Variants in SLC5A8 observed in about 807,000 individuals in gnomAD.
The protein encoded by SLC5A8 is solute carrier family 5 member 8, also known as sodium-coupled monocarboxylate transporter 1.
In SLC5A8, 55 loss-of-function variants were observed where a neutral mutation model predicts 71.9. The ratio of observed to expected loss-of-function variants is 0.77; its 90% CI spans 0.62 to 0.96. The LOEUF (loss-of-function observed/expected upper bound fraction) is 0.96, where lower values mean the gene tolerates loss of function less well. Ranked by LOEUF, SLC5A8 falls within the 40% of genes least tolerant of loss-of-function variation. The probability of loss-of-function intolerance (pLI) is 0.00; values close to 1 mark genes in which losing one functional copy is unlikely to be tolerated. For synonymous variants in SLC5A8, 307 were observed against 276.1 expected (o/e 1.11, Z -1.11); for missense variants, 701 against 745.3 (o/e 0.94, Z 0.69).
intron 12 of SLC5A8, among the ~76,000 whole-genome samples, chr12:101,163,014 T>G (rs185784323): frequency 2.0e-4 from 31 of 152,234 alleles, no homozygotes; most frequent in Non-Finnish European, 4.4e-5. Flanking sequence ...AGAGAAAACC[T>G]TTGGGAATAA....
chr12:101,183,474 G>C (rs757928376), intron 8 of SLC5A8, among the ~76,000 whole-genome samples: 1 of 152,124 alleles, frequency 6.6e-6, no homozygotes, highest in Admixed American at 6.5e-5. Flanking sequence ...GCTTCCACTT[G>C]CTGTTAATCC....
chr12:101,165,584 T>A (rs1421446109), intron 12 of SLC5A8, among the ~76,000 whole-genome samples: 2 of 152,170 alleles, frequency 1.3e-5, no homozygotes, highest in Admixed American at 1.3e-4. Context: ...CATACACAGC[T>A]TACCTGCCTG....
chr12:101,197,867 A>G (rs1410689426), intron 3 of SLC5A8, among the ~76,000 whole-genome samples: 3 of 152,212 alleles, frequency 2.0e-5, no homozygotes, highest in Admixed American at 6.5e-5. Context: ...CATTACATCC[A>G]AAAAGCACAC....
At chr12:101,158,448 C>G in intron 13 of SLC5A8, 120 bp from the exon 14 acceptor site, 1 of 653,316 alleles carries the variant, frequency 1.5e-6, no homozygotes, top group Non-Finnish European at 2.6e-6. Flanking sequence ...TCAAAAAACA[C>G]AAAGAGAAAG....
At chr12:101,190,093 T>C (rs1868831413) in intron 6 of SLC5A8, among the ~76,000 whole-genome samples, 1 of 152,220 alleles carries the variant, frequency 6.6e-6, no homozygotes, top group South Asian at 2.1e-4. Context: ...TATTGCTATA[T>C]CATTTCATGA....
intron 12 of SLC5A8, 86 bp downstream of exon 12, chr12:101,166,408 T>C (rs966736322): frequency 1.7e-6 from 2 of 1,157,062 alleles, no homozygotes; most frequent in African/African-American, 1.6e-5. Flanking sequence ...AATCACAGTG[T>C]TGTAAGCAAG....
In SLC5A8 at chr12:101,180,012, C is replaced by T. The variant is rs2051916782; in HGVS notation, c.1233+17G>A. On this transcript the variant is annotated intron_variant, in intron 10 of 14. Transcript: ENST00000536262. The stretch of plus-strand genomic sequence containing the variant: ...TTTAGTGATTTATGACTTAAACCTC[C>T]AGGGGCCAGCTCTCACCTGCAACAA... The T allele has an allele frequency of 6.2e-7, 1 of 1,613,796 alleles. No homozygotes were observed. Among genetic ancestry groups the T allele is most frequent in the Non-Finnish European group, 8.5e-7 (1 of 1,179,798 alleles).
At chr12:101,174,382 T>C (rs2051859666) in intron 10 of SLC5A8, among the ~76,000 whole-genome samples, 1 of 152,154 alleles carries the variant, frequency 6.6e-6, no homozygotes, top group Non-Finnish European at 1.5e-5. Context: ...AATAAGCTGG[T>C]GTCATGGGCC....
intron 14 of SLC5A8, 62 bp downstream of exon 14, chr12:101,158,182 TAATTA>T: frequency 9.3e-7 from 1 of 1,080,674 alleles, no homozygotes; most frequent in South Asian, 1.3e-5. Context: ...GGTTGAGAAC[TAATTA>T]GTGTTCTATC....
intron 5 of SLC5A8, among the ~76,000 whole-genome samples, chr12:101,192,975 T>C (rs1460819640): frequency 1.3e-5 from 2 of 148,436 alleles, no homozygotes; most frequent in African/African-American, 2.5e-5. Flanking sequence ...TTTTCTCTTT[T>C]TTTTTTTTTT....
At chr12:101,158,465 T>A in intron 13 of SLC5A8, 137 bp from the exon 14 acceptor site, 1 of 587,122 alleles carries the variant, frequency 1.7e-6, no homozygotes, top group Non-Finnish European at 2.9e-6. Flanking sequence ...AAAGGGAAAC[T>A]TAAAAGCACT....
rs533837246 is a variant in SLC5A8, at chr12:101,157,003, C to A, written c.*276G>T. ...TACATGTGCATATGTGTGTATTAGC[C>A]TTTCAGCATCTATGTAGTTACAATT... On this transcript the variant is annotated 3_prime_UTR_variant, in exon 15 of 15. Transcript: ENST00000536262. The A allele has an allele frequency of 2.5e-4, 87 of 352,154 alleles. 2 individuals are homozygous for A. The highest frequency in any genetic ancestry group is 8.8e-4 in the Admixed American group (21 of 23,938). The allele number at this position is 352,154 out of a possible 1,614,324, so 21.8% of individuals were successfully genotyped here. A position where few individuals can be genotyped will look rare whatever the true frequency, so the allele number is the denominator to read the frequency against.
At chr12:101,202,016 C>T in intron 3 of SLC5A8, 148 bp downstream of exon 3, 1 of 755,700 alleles carries the variant, frequency 1.3e-6, no homozygotes, top group Non-Finnish European at 2.2e-6. Context: ...CTAGTGTAGA[C>T]ACTGAACCCA....
At chr12:101,164,339 C>A (rs1295296943) in intron 12 of SLC5A8, among the ~76,000 whole-genome samples, 1 of 152,026 alleles carries the variant, frequency 6.6e-6, no homozygotes, top group African/African-American at 2.4e-5. Flanking sequence ...GGCCAACAAA[C>A]AAATGAAAAT....
intron 3 of SLC5A8, among the ~76,000 whole-genome samples, chr12:101,200,626 A>G (rs1869419744): frequency 6.6e-6 from 1 of 152,142 alleles, no homozygotes; most frequent in South Asian, 2.1e-4. Context: ...TATTTTAGGT[A>G]CAATGATGGT....
intron 13 of SLC5A8, among the ~76,000 whole-genome samples, chr12:101,159,908 G>A (rs571855011): frequency 2.6e-5 from 4 of 152,224 alleles, no homozygotes; most frequent in Non-Finnish European, 5.9e-5. Context: ...ACTGGGCATG[G>A]TGGTGGCTCA....
intron 7 of SLC5A8, among the ~76,000 whole-genome samples, chr12:101,186,289 G>A (rs117086622): frequency 1.3e-5 from 2 of 152,198 alleles, no homozygotes; most frequent in East Asian, 3.9e-4. Flanking sequence ...CAGAGAGGGT[G>A]TGTTTATCAA....
At chr12:101,167,108 G>A (rs1389592856) in intron 11 of SLC5A8, among the ~76,000 whole-genome samples, 1 of 152,080 alleles carries the variant, frequency 6.6e-6, no homozygotes, top group East Asian at 1.9e-4. Context: ...AATACACGCT[G>A]GCAACAAATG....
rs765531486 is a variant in SLC5A8, at chr12:101,162,121, C to T, written c.1527-44G>A. ...AACGGTAAGATTTCATGTAATGCCA[C>T]TAGCAACTACCAGTATATACCAGTG... On this transcript the variant is annotated intron_variant, in intron 12 of 14. Transcript: ENST00000536262. 70 of 1,280,418 alleles carry T rather than the reference C, an allele frequency of 5.5e-5. 2 individuals carry two copies. The South Asian group carries it at 8.3e-4, about 15-fold the overall frequency. The allele number at this position is 1,280,418 out of a possible 1,614,324, so 79.3% of individuals were successfully genotyped here.
Sources: gnomAD v4.1 joint callset for allele counts (sites outside exome capture counted in the v4.1 genomes callset) on GRCh38, gnomAD v4.1.1 for gene constraint, MANE v1.5 for transcripts, NCBI Gene and HGNC (gene_info 2026-07-23, HGNC 2026-07-21) for gene names.